NELFA: variants seen among roughly 807,000 people sequenced by gnomAD.
NELFA encodes negative elongation factor A.
A neutral mutation model predicts 51.8 loss-of-function variants in NELFA; 35 were observed. That is an observed-to-expected ratio of 0.68 (90% CI 0.52 to 0.90). The LOEUF is 0.90. NELFA is among the 40% of genes least tolerant of loss of function. The pLI is 0.00. For missense variants in NELFA, 658 were observed against 746.4 expected, an observed-to-expected ratio of 0.88 and a Z score of 1.38; for synonymous variants, 417 against 338.4, an observed-to-expected ratio of 1.23 and a Z score of -2.55.
chr4:1,999,840 C>T (rs1728526378), intron 1 of NELFA, among the ~76,000 whole-genome samples: 1 of 152,212 alleles, frequency 6.6e-6, no homozygotes, highest in Non-Finnish European at 1.5e-5. Flanking sequence ...ATACATTCTT[C>T]TCAGTGCTAC....
At position 1,992,518 on chromosome 4, in the gene NELFA, G is replaced by A. The variant is rs1387720710; in HGVS notation, c.211-803C>T. The A allele has an allele frequency of 7.2e-6, 3 of 416,168 alleles. No homozygotes were observed. In the Admixed American group the frequency reaches 8.1e-5, roughly 11 times the overall value. 25.8% of individuals were successfully genotyped at this position (416,168 alleles called of 1,614,324 possible). On this transcript the variant is annotated intron_variant, in intron 1 of 10. Coordinates refer to ENST00000382882, the MANE Select transcript of NELFA (RefSeq NM_005663.5). ...CCTGTGCCTCTGCCATGCGCCCACT[G>A]GGCTGCTCACAGTGTGAGACAGCTG...
chr4:1,989,567 C>G lies in NELFA; in HGVS notation c.544+141G>C. The G allele has an allele frequency of 1.1e-6, 1 of 899,152 alleles. No homozygotes were observed. The highest frequency in any genetic ancestry group is 1.7e-6 in the Non-Finnish European group (1 of 597,022). The allele number at this position is 899,152 out of a possible 1,614,324, so 55.7% of individuals were successfully genotyped here. ...CTCCTGGGCTCAAACGACCCACCTG[C>G]CCCAGCCTCCCAACAGGTGTGAGCC... On this transcript the variant is annotated intron_variant, in intron 3 of 10. Coordinates refer to ENST00000382882, the MANE Select transcript of NELFA (RefSeq NM_005663.5). This position sits in a 1 kb window ranked among gnomAD's most constrained non-coding sequence, Gnocchi z 4.8.
chr4:1,995,597 T>C (rs769718629), intron 1 of NELFA, among the ~76,000 whole-genome samples: 115 of 152,236 alleles, frequency 7.6e-4, no homozygotes, highest in Non-Finnish European at 1.4e-3. Flanking sequence ...CACAATTTCT[T>C]GTAATACATA....
At chr4:1,996,483 C>G (rs1354836439) in intron 1 of NELFA, among the ~76,000 whole-genome samples, 1 of 152,076 alleles carries the variant, frequency 6.6e-6, no homozygotes, top group African/African-American at 2.4e-5. Flanking sequence ...AGTACAAAGA[C>G]AGGAGAAAGA....
At chr4:1,999,333 TAA>T (rs1209231152) in intron 1 of NELFA, among the ~76,000 whole-genome samples, 2 of 151,750 alleles carry the variant, frequency 1.3e-5, no homozygotes, top group Non-Finnish European at 2.9e-5. Flanking sequence ...ATGCCCCAAT[TAA>T]AAGACACAGA....
chr4:1,995,540 C>G (rs1285954422), intron 1 of NELFA, among the ~76,000 whole-genome samples: 1 of 151,848 alleles, frequency 6.6e-6, no homozygotes, highest in Non-Finnish European at 1.5e-5. Flanking sequence ...AGTAAATGAC[C>G]CAGAATGGCC....
chr4:1,991,341 G>T (rs1044895534), intron 2 of NELFA, among the ~76,000 whole-genome samples: 3 of 152,144 alleles, frequency 2.0e-5, no homozygotes, highest in African/African-American at 7.2e-5. Flanking sequence ...GGGGCCTGTG[G>T]GCTGTTTGGA....
chr4:1,991,359 T>C (rs1259318468), intron 2 of NELFA, among the ~76,000 whole-genome samples, 185 bp downstream of exon 2: 1 of 152,108 alleles, frequency 6.6e-6, no homozygotes, highest in Non-Finnish European at 1.5e-5. Context: ...GGAGTTTGTT[T>C]TCAAAGATGG....
intron 3 of NELFA, among the ~76,000 whole-genome samples, chr4:1,988,501 G>A (rs1445387390): frequency 2.0e-5 from 3 of 152,208 alleles, no homozygotes; most frequent in East Asian, 1.9e-4. Context: ...AAGGGGGTGG[G>A]GCCCAAGGGG....
Position 1,998,459 on chromosome 4 carries a change from G to A in NELFA, c.211-6744C>T, listed in dbSNP as rs1442665918. On this transcript the variant is annotated intron_variant, in intron 1 of 10. Transcript: ENST00000382882. ...AACCGGTTTAGAGAGGAACATAAAT[G>A]ACCTGATGAAGCTGAAAAACACAGC... is the stretch of plus-strand genomic sequence containing the variant. Among the ~76,000 whole-genome samples, 5 of 152,246 alleles carry A rather than the reference G, an allele frequency of 3.3e-5. 1 individual carries two copies. The highest frequency in any genetic ancestry group is 4.4e-5 in the Non-Finnish European group (3 of 68,036).
chr4:1,991,327 G>C (rs893542188), intron 2 of NELFA, among the ~76,000 whole-genome samples: 4 of 152,292 alleles, frequency 2.6e-5, no homozygotes, highest in Admixed American at 6.5e-5. Flanking sequence ...GCAGCAGTGA[G>C]GATGGGGCCT....
In NELFA at chr4:1,984,872, G is replaced by T; in HGVS notation, c.972C>A (p.Tyr324Ter). The T allele has an allele frequency of 6.3e-7, 1 of 1,581,622 alleles. No homozygotes were observed. Among genetic ancestry groups the T allele is most frequent in the Non-Finnish European group, 8.6e-7 (1 of 1,163,114 alleles). The change falls in exon 8 of 11, where the codon TAC becomes TAA. Residue 324 changes from tyrosine (Y) to a stop codon, truncating the protein, a stop_gained. Transcript: ENST00000382882. LOFTEE classifies it high-confidence loss of function. ...GAACCACGCTGGGCGTGGAGGGAAGGTAGCTCGTGGAGGGCAGCGCAGGCT... is the reference window on the plus strand; with the variant it reads ...GAACCACGCTGGGCGTGGAGGGAAGTTAGCTCGTGGAGGGCAGCGCAGGCT... ...NNEPALPSTS[Y>*]LPSTPSVVPA... is the part of the protein sequence containing the mutation.
In NELFA at chr4:2,008,845, CGAT is replaced by C; in HGVS notation, c.112_114del (p.Ile38del). 2 of 1,608,542 alleles carry C rather than the reference CGAT, an allele frequency of 1.2e-6. No individual in the cohort carries two copies. The highest frequency in any genetic ancestry group is 1.7e-6 in the Non-Finnish European group (2 of 1,178,038). On this transcript the variant is annotated inframe_deletion, in exon 1 of 11. Transcript: ENST00000382882. ...CCATGGAAGCAGAGACGGATGTTGT[CGAT>C]GACCGCGGCCGTGAGCAGGGACGCG...
rs373364109 is a variant in NELFA at position 1,986,096 on chromosome 4, G to A, written c.835+18C>T. 3.9e-5 allele frequency: 60 copies of A among 1,548,342 alleles called. No homozygotes were observed. The highest frequency in any genetic ancestry group is 2.7e-4 in the East Asian group (11 of 40,828). ...CAGGGACCCCCATTGCCGCCGACAC[G>A]CAGGCCCCAACCCCCACCGAGAGTC... On this transcript the variant is annotated intron_variant, in intron 6 of 10. Transcript: ENST00000382882.
intron 1 of NELFA, among the ~76,000 whole-genome samples, chr4:2,008,236 G>T (rs1001241533): frequency 5.3e-5 from 8 of 152,228 alleles, no homozygotes; most frequent in Admixed American, 5.2e-4. Flanking sequence ...CCAAGAGTCG[G>T]TCGCTTCGGC....
chr4:1,990,632 G>A (rs1465580043), intron 2 of NELFA: 7 of 404,718 alleles, frequency 1.7e-5, no homozygotes, highest in South Asian at 3.5e-5. Flanking sequence ...GTGCAGCCTC[G>A]ATGTCTCCAT....
At position 1,987,955 on chromosome 4, in the gene NELFA, G is replaced by A. The variant is rs1483345021; in HGVS notation, c.597C>T (p.Ala199=). ...LKRSAGVPFH[A]KGRGLLRKMD... ...TCTTCCGCAGCAGCCCCCGGCCCTTGGCGTGGAAGGGCACCCCGGCGCTCC... is the reference window on the plus strand; with the variant it reads ...TCTTCCGCAGCAGCCCCCGGCCCTTAGCGTGGAAGGGCACCCCGGCGCTCC... The change falls in exon 4 of 11, where the codon GCC becomes GCT. Residue 199 remains alanine (A), a synonymous_variant. Transcript: ENST00000382882. 6.2e-7 allele frequency: 1 copy of A among 1,611,074 alleles called. No homozygotes were observed. The highest frequency in any genetic ancestry group is 1.7e-5 in the Admixed American group (1 of 59,854).
At chr4:1,994,158 G>A (rs1352536591) in intron 1 of NELFA, among the ~76,000 whole-genome samples, 1 of 152,176 alleles carries the variant, frequency 6.6e-6, no homozygotes, top group Non-Finnish European at 1.5e-5. Flanking sequence ...CCAGCTACTC[G>A]GGAGGCTGAG....
chr4:1,983,128 T>A lies in NELFA; in HGVS notation c.*191A>T, dbSNP rs1056694979. 1 of 501,798 alleles carries A rather than the reference T, an allele frequency of 2.0e-6. No homozygotes were observed. Among genetic ancestry groups the A allele is most frequent in the Admixed American group, 3.8e-5 (1 of 26,628 alleles). The allele number at this position is 501,798 out of a possible 1,614,324, so 31.1% of individuals were successfully genotyped here. A position where few individuals can be genotyped will look rare whatever the true frequency, so the allele number is the denominator to read the frequency against. ...TAAATCACACAAAAAAGAACCCATA[T>A]TAAAATTTTAAAAATAAGCCCCAAA... On this transcript the variant is annotated 3_prime_UTR_variant, in exon 11 of 11. Coordinates refer to ENST00000382882, the MANE Select transcript of NELFA (RefSeq NM_005663.5).
Sources: gnomAD v4.1 joint callset for allele counts (sites outside exome capture counted in the v4.1 genomes callset) on GRCh38, gnomAD v4.1.1 for gene constraint, Gnocchi (gnomAD v3.1) non-coding constraint, MANE v1.5 for transcripts, NCBI Gene and HGNC (gene_info 2026-07-23, HGNC 2026-07-21) for gene names.